The following RXFP1 variants were observed in gnomAD, a reference collection of about 807,000 sequenced individuals.
RXFP1 encodes relaxin receptor 1.
In RXFP1, 73 loss-of-function variants were observed where a neutral mutation model predicts 89.8. That is an observed-to-expected ratio of 0.81 (90% CI 0.67 to 0.99). The LOEUF (loss-of-function observed/expected upper bound fraction) is 0.99, where lower values mean the gene tolerates loss of function less well. RXFP1 is among the 50% of genes least tolerant of loss of function. RXFP1 has a pLI of 0.00. For missense variants in RXFP1, 793 were observed against 895.5 expected, an observed-to-expected ratio of 0.89 and a Z score of 1.46; for synonymous variants, 277 against 305.5, an observed-to-expected ratio of 0.91 and a Z score of 0.97.
chr4:158,532,050 C>T (rs992051139), intron 1 of RXFP1, among the ~76,000 whole-genome samples: 2 of 152,178 alleles, frequency 1.3e-5, no homozygotes, highest in African/African-American at 2.4e-5. Flanking sequence ...AATGAACATA[C>T]TGCCTGATAG....
intron 2 of RXFP1, among the ~76,000 whole-genome samples, chr4:158,585,890 C>T (rs1646176884): frequency 6.6e-6 from 1 of 152,186 alleles, no homozygotes; most frequent in Admixed American, 6.5e-5. Flanking sequence ...GTGTCTTAAA[C>T]TACTTGATGG....
chr4:158,572,765 G>A lies in RXFP1; in HGVS notation c.117G>A (p.Lys39=). ...LGYFPCGNIT[K]CLPQLLHCNG... is the part of the protein sequence containing the mutation. The stretch of plus-strand genomic sequence containing the variant: ...ATTTCCCCTGTGGGAACATCACAAA[G>A]TGCTTGCCTCAGCTCCTGCACTGTA... Residue 39 remains lysine (K), a synonymous_variant, in exon 2 of 18, where the codon AAG becomes AAA. Coordinates refer to ENST00000307765, the MANE Select transcript of RXFP1 (RefSeq NM_021634.4). The A allele has an allele frequency of 6.2e-7, 1 of 1,614,180 alleles. No homozygotes were observed. The highest frequency in any genetic ancestry group is 1.1e-5 in the South Asian group (1 of 91,080).
chr4:158,615,691 T>G (rs1395643407), intron 8 of RXFP1, among the ~76,000 whole-genome samples: 2 of 152,030 alleles, frequency 1.3e-5, no homozygotes, highest in Non-Finnish European at 2.9e-5. Flanking sequence ...ACGTCTGTAA[T>G]CTCATGCTTT....
At chr4:158,580,771 T>C (rs1757192997) in intron 2 of RXFP1, among the ~76,000 whole-genome samples, 2 of 152,168 alleles carry the variant, frequency 1.3e-5, no homozygotes, top group South Asian at 4.1e-4. Context: ...ACATCTTATG[T>C]TCTAGGTTTG....
intron 1 of RXFP1, among the ~76,000 whole-genome samples, chr4:158,556,224 CAAAA>C (rs11337872): frequency 7.5e-6 from 1 of 132,472 alleles, no homozygotes; most frequent in Middle Eastern, 3.5e-3. Context: ...AACTTAACAG[CAAAA>C]AAAAAAAAAA....
intron 10 of RXFP1, 91 bp downstream of exon 10, chr4:158,626,982 G>A: frequency 5.3e-6 from 3 of 569,352 alleles, no homozygotes; most frequent in East Asian, 3.5e-5. Flanking sequence ...AAATCCCAAA[G>A]AACATCAAGA....
intron 2 of RXFP1, among the ~76,000 whole-genome samples, chr4:158,591,064 G>A (rs1297627424): frequency 1.3e-5 from 2 of 152,132 alleles, no homozygotes; most frequent in Non-Finnish European, 2.9e-5. Context: ...AGGCTGGTGT[G>A]TATAAACCTC....
At chr4:158,528,076 A>C (rs1253453344) in intron 1 of RXFP1, among the ~76,000 whole-genome samples, 4 of 152,204 alleles carry the variant, frequency 2.6e-5, no homozygotes, top group African/African-American at 9.7e-5. Context: ...ATCCCTCTTC[A>C]CATACCTACC....
intron 12 of RXFP1, among the ~76,000 whole-genome samples, 158 bp from the exon 13 acceptor site, chr4:158,637,850 G>C (rs1769504722): frequency 6.6e-6 from 1 of 152,088 alleles, no homozygotes; most frequent in South Asian, 2.1e-4. Flanking sequence ...TTTTCTTCTA[G>C]TCGTTTTATA....
intron 14 of RXFP1, among the ~76,000 whole-genome samples, chr4:158,644,193 C>A (rs192046477): frequency 0.019 from 2,822 of 151,672 alleles, 48 homozygotes; most frequent in Non-Finnish European, 0.03. Context: ...ACTACAGGAG[C>A]CCGCCACCAC....
intron 1 of RXFP1, among the ~76,000 whole-genome samples, chr4:158,534,976 A>T (rs1200981938): frequency 1.3e-5 from 2 of 148,184 alleles, no homozygotes; most frequent in Admixed American, 1.4e-4. Flanking sequence ...AGATAATATA[A>T]AATTATTTAT....
intron 2 of RXFP1, among the ~76,000 whole-genome samples, chr4:158,575,570 A>G (rs1198279441): frequency 6.6e-6 from 1 of 152,182 alleles, no homozygotes; most frequent in Non-Finnish European, 1.5e-5. Context: ...AGAGTGGATT[A>G]GCATCCTTAT....
chr4:158,529,119 G>A (rs1743329107), intron 1 of RXFP1, among the ~76,000 whole-genome samples: 2 of 152,138 alleles, frequency 1.3e-5, no homozygotes, highest in South Asian at 4.1e-4. Context: ...GCAACACAGA[G>A]CATCCTCACT....
intron 1 of RXFP1, among the ~76,000 whole-genome samples, chr4:158,559,662 T>A (rs1386997391): frequency 2.6e-5 from 4 of 152,220 alleles, no homozygotes; most frequent in African/African-American, 9.6e-5. Flanking sequence ...AAAAAGCCAC[T>A]TTTTTCTACT....
At position 158,572,846 on chromosome 4, in the gene RXFP1, C is replaced by T. The variant is rs1194464218; in HGVS notation, c.187+11C>T. The T allele has an allele frequency of 1.2e-6, 2 of 1,613,762 alleles. No individual in the cohort carries two copies. Among genetic ancestry groups the T allele is most frequent in the Non-Finnish European group, 1.7e-6 (2 of 1,179,810 alleles). On this transcript the variant is annotated intron_variant, in intron 2 of 17. Coordinates refer to ENST00000307765, the MANE Select transcript of RXFP1 (RefSeq NM_021634.4). ...ATGAGGACAACTGTGGTGAGTGAAG[C>T]CCCTGCAGTCACGGTGAGAGAAAGG...
chr4:158,526,777 A>AATC (rs3085270), intron 1 of RXFP1, among the ~76,000 whole-genome samples: 134,327 of 152,036 alleles, frequency 0.88, 61,685 homozygotes, highest in East Asian at 1. Flanking sequence ...GCCTTTTGGA[A>AATC]ATCAATGTTT....
At chr4:158,620,300 C>A (rs1349600810) in intron 9 of RXFP1, among the ~76,000 whole-genome samples, 1 of 152,036 alleles carries the variant, frequency 6.6e-6, no homozygotes, top group Non-Finnish European at 1.5e-5. Flanking sequence ...AAAGGCAAAA[C>A]AGAATCCAAA....
At position 158,599,401 on chromosome 4, in the gene RXFP1, T is replaced by G; in HGVS notation, c.362T>G (p.Val121Gly). 2.5e-6 allele frequency: 4 copies of G among 1,613,670 alleles called. 1 individual carries two copies. In the South Asian group the frequency reaches 4.4e-5, roughly 18 times the overall value. The change falls in exon 4 of 18, where the codon GTT becomes GGT. Residue 121 changes from valine to glycine, a missense_variant. Coordinates refer to ENST00000307765, the MANE Select transcript of RXFP1 (RefSeq NM_021634.4). The stretch of plus-strand genomic sequence containing the variant: ...TGTGATGAAACCAATTTACGAGCTG[T>G]TCCATCGGTTTCTTCAAATGTGACT... ...LDCDETNLRA[V>G]PSVSSNVTAM...
intron 2 of RXFP1, among the ~76,000 whole-genome samples, chr4:158,581,971 A>G (rs917394101): frequency 2.6e-5 from 4 of 152,142 alleles, no homozygotes; most frequent in African/African-American, 9.7e-5. Flanking sequence ...GAAGCAAGAG[A>G]GAGGAGGGGA....
Sources: gnomAD v4.1 joint callset for allele counts (sites outside exome capture counted in the v4.1 genomes callset) on GRCh38, gnomAD v4.1.1 for gene constraint, MANE v1.5 for transcripts, NCBI Gene and HGNC (gene_info 2026-07-23, HGNC 2026-07-21) for gene names.